The following ZFHX3 variants were observed in gnomAD, a reference collection of about 807,000 sequenced individuals.
ZFHX3 encodes zinc finger homeobox 3, also known as zinc finger homeobox protein 3.
In ZFHX3, 42 loss-of-function variants were observed where a neutral mutation model predicts 279.1. The observed-to-expected ratio is 0.15, with a 90% confidence interval of 0.12 to 0.19. ZFHX3 has a LOEUF of 0.19. Ranked by LOEUF, ZFHX3 falls within the 10% of genes least tolerant of loss-of-function variation. The pLI is 1.00. For missense variants in ZFHX3, 4,981 were observed against 4,754.0 expected (o/e 1.05, Z -1.40); for synonymous variants, 2,293 against 1,957.8 (o/e 1.17, Z -4.52).
At chr16:73,103,489 A>G (rs1044739356) in intron 7 of ZFHX3, among the ~76,000 whole-genome samples, 3 of 152,120 alleles carry the variant, frequency 2.0e-5, no homozygotes, top group African/African-American at 4.8e-5. Context: ...GCGAGAATTA[A>G]TTACTTCCTT....
intron 1 of ZFHX3, among the ~76,000 whole-genome samples, chr16:72,968,891 T>C (rs1283617732): frequency 6.6e-6 from 1 of 152,000 alleles, no homozygotes; most frequent in Non-Finnish European, 1.5e-5. Flanking sequence ...TAGGAAAAAA[T>C]ATGTGAGTGT....
At chr16:73,147,236 C>T (rs1966867764) in intron 5 of ZFHX3, among the ~76,000 whole-genome samples, 1 of 152,126 alleles carries the variant, frequency 6.6e-6, no homozygotes, top group Non-Finnish European at 1.5e-5. Context: ...ATCATGCCAT[C>T]CACCCAACAC....
At chr16:73,399,114 G>A (rs2017193467) in intron 3 of ZFHX3, among the ~76,000 whole-genome samples, 1 of 151,706 alleles carries the variant, frequency 6.6e-6, no homozygotes, top group Non-Finnish European at 1.5e-5. Flanking sequence ...CTGACCTCAG[G>A]TGATCCAGTT....
intron 1 of ZFHX3, among the ~76,000 whole-genome samples, chr16:73,043,145 A>T (rs927679961): frequency 3.3e-5 from 5 of 152,200 alleles, no homozygotes; most frequent in Non-Finnish European, 7.3e-5. Context: ...CAGAGGCAGC[A>T]CATGTGTTAA....
chr16:73,798,860 A>G (rs1005163874), intron 1 of ZFHX3, among the ~76,000 whole-genome samples: 3 of 152,188 alleles, frequency 2.0e-5, no homozygotes, highest in Admixed American at 1.3e-4. Context: ...CGTCCCTCCT[A>G]GAGATTTTAG....
intron 2 of ZFHX3, among the ~76,000 whole-genome samples, chr16:73,656,303 C>T (rs2052720422): frequency 6.6e-6 from 1 of 152,210 alleles, no homozygotes; most frequent in South Asian, 2.1e-4. Context: ...ATGAATCTTG[C>T]AAGCATAATG....
chr16:73,787,027 T>G (rs1959670198), intron 1 of ZFHX3, among the ~76,000 whole-genome samples: 1 of 152,238 alleles, frequency 6.6e-6, no homozygotes, highest in Non-Finnish European at 1.5e-5. Flanking sequence ...TAGTGACATT[T>G]CTTTTGTGCC....
intron 5 of ZFHX3, among the ~76,000 whole-genome samples, chr16:73,172,898 C>T (rs1415251596): frequency 6.9e-6 from 1 of 145,966 alleles, no homozygotes; most frequent in Non-Finnish European, 1.5e-5. Flanking sequence ...GTCATTTCGA[C>T]TGCCTTGATT....
intron 3 of ZFHX3, among the ~76,000 whole-genome samples, chr16:73,436,800 C>T (rs562275769): frequency 1.4e-4 from 22 of 152,254 alleles, no homozygotes; most frequent in Non-Finnish European, 2.8e-4. Context: ...GGCTTCCTTC[C>T]TGTTTGTTTG....
At chr16:73,704,454 T>G (rs897546807) in intron 1 of ZFHX3, among the ~76,000 whole-genome samples, 1 of 152,236 alleles carries the variant, frequency 6.6e-6, no homozygotes, top group Non-Finnish European at 1.5e-5. Flanking sequence ...AAAGTCATTA[T>G]GGCAACACTT....
intron 4 of ZFHX3, among the ~76,000 whole-genome samples, chr16:72,872,059 C>A (rs1043256078): frequency 3.3e-5 from 5 of 151,876 alleles, no homozygotes; most frequent in African/African-American, 1.2e-4. Context: ...CACTTGCACT[C>A]CAGCCTGGGC....
chr16:72,954,295 G>A (rs749679548), intron 2 of ZFHX3, among the ~76,000 whole-genome samples: 68 of 152,168 alleles, frequency 4.5e-4, no homozygotes, highest in African/African-American at 1.4e-3. Context: ...GCTTGAACCC[G>A]GGAGGCAGGG....
At chr16:73,840,675 G>A (rs1961280039) in intron 1 of ZFHX3, among the ~76,000 whole-genome samples, 1 of 152,202 alleles carries the variant, frequency 6.6e-6, no homozygotes, top group Admixed American at 6.5e-5. Context: ...CTGTACAGTT[G>A]TGGTTCTCGA....
intron 4 of ZFHX3, among the ~76,000 whole-genome samples, chr16:72,882,980 GTGTGTGTGTGT>G (rs1567563233): frequency 0.05 from 1,756 of 35,452 alleles, 66 homozygotes; most frequent in Non-Finnish European, 0.053. Flanking sequence ...ACTCTGGGGT[GTGTGTGTGTGT>G]GTGTGTGTGT....
chr16:73,168,554 T>A (rs1967446835), intron 5 of ZFHX3, among the ~76,000 whole-genome samples: 1 of 152,110 alleles, frequency 6.6e-6, no homozygotes, highest in Non-Finnish European at 1.5e-5. Flanking sequence ...CTGTACCTGG[T>A]CCAGCATTAC....
At chr16:73,286,557 G>C (rs900525760) in intron 4 of ZFHX3, among the ~76,000 whole-genome samples, 3 of 151,144 alleles carry the variant, frequency 2.0e-5, no homozygotes, top group Non-Finnish European at 4.4e-5. Context: ...GGGTGTGTGC[G>C]TTGGTGTGTG....
chr16:73,065,958 C>T (rs1965746331), intron 8 of ZFHX3, among the ~76,000 whole-genome samples: 1 of 152,212 alleles, frequency 6.6e-6, no homozygotes, highest in Non-Finnish European at 1.5e-5. Flanking sequence ...ATTTGGAGCC[C>T]GTACTTGGTT....
intron 1 of ZFHX3, among the ~76,000 whole-genome samples, chr16:73,813,229 TTCTCTC>T (rs3082305): frequency 0.1 from 15,335 of 147,678 alleles, 1,658 homozygotes; most frequent in African/African-American, 0.28. Context: ...CTCTTTCTCT[TTCTCTC>T]TCTCTCTCTC....
intron 1 of ZFHX3, among the ~76,000 whole-genome samples, chr16:73,710,973 CT>C (rs1327396393): frequency 2.0e-5 from 3 of 152,188 alleles, no homozygotes; most frequent in African/African-American, 7.2e-5. Flanking sequence ...CAGGGACTGG[CT>C]GTAAATTACT....
Sources: gnomAD v4.1 joint callset for allele counts (sites outside exome capture counted in the v4.1 genomes callset) on GRCh38, gnomAD v4.1.1 for gene constraint, MANE v1.5 for transcripts, NCBI Gene and HGNC (gene_info 2026-07-23, HGNC 2026-07-21) for gene names.